TP53RK: variants seen among roughly 807,000 people sequenced by gnomAD.
The protein encoded by TP53RK is EKC/KEOPS complex subunit TP53RK.
TP53RK carries 17 observed loss-of-function variants against 14.9 expected under a neutral mutation model. The ratio of observed to expected loss-of-function variants is 1.14; its 90% CI spans 0.78 to 1.71. The LOEUF (loss-of-function observed/expected upper bound fraction) is 1.71, where lower values mean the gene tolerates loss of function less well. TP53RK is among the 40% of genes most tolerant of loss of function. TP53RK has a pLI of 0.00. For synonymous variants in TP53RK, 131 were observed against 138.0 expected (o/e 0.95, Z 0.36); for missense variants, 343 against 332.0 (o/e 1.03, Z -0.26).
chr20:46,689,058 C>T, intron 1 of TP53RK, 74 bp downstream of exon 1: 6 of 1,314,388 alleles, frequency 4.6e-6, no homozygotes, highest in Non-Finnish European at 5.8e-6. Flanking sequence ...AGCTTCGGAG[C>T]GCAGGGGAGT....
rs2063172675 is a variant in TP53RK, at chr20:46,684,671, C to G, written c.*2082G>C. On this transcript the variant is annotated 3_prime_UTR_variant, in exon 2 of 2. Transcript: ENST00000372114. ...GATTTGGATGGGGACACAGCCAAAC[C>G]CTATCAACTAGGGATTTGTTGACTT... 6.6e-6 allele frequency: 1 copy of G among 152,104 alleles called. No individual in the cohort carries two copies. 9.4% of individuals were successfully genotyped at this position (152,104 alleles called of 1,614,324 possible). A position where few individuals can be genotyped will look rare whatever the true frequency, so the allele number is the denominator to read the frequency against.
chr20:46,687,442 T>C (rs2063185619), intron 1 of TP53RK, among the ~76,000 whole-genome samples: 1 of 152,168 alleles, frequency 6.6e-6, no homozygotes, highest in Non-Finnish European at 1.5e-5. Context: ...ACAGCTAAAC[T>C]GAGGAGGCCA....
rs557747103 is a variant in TP53RK at position 46,686,619 on chromosome 20, GATA to G, written c.*131_*133del. 212 of 772,828 alleles carry G rather than the reference GATA, an allele frequency of 2.7e-4. No individual in the cohort carries two copies. The African/African-American group carries it at 3.3e-3, about 12-fold the overall frequency. 47.9% of individuals were successfully genotyped at this position (772,828 alleles called of 1,614,324 possible). A position where few individuals can be genotyped will look rare whatever the true frequency, so the allele number is the denominator to read the frequency against. On this transcript the variant is annotated 3_prime_UTR_variant, in exon 2 of 2. Transcript: ENST00000372114. ...GTAAGCTCTTGAGTGAAGTGCAGAT[GATA>G]ATGACACGATCACATACCACTTAAA...
chr20:46,686,047 T>A lies in TP53RK; in HGVS notation c.*706A>T, dbSNP rs1020424132. 1 of 152,224 alleles carries A rather than the reference T, an allele frequency of 6.6e-6. No individual in the cohort carries two copies. The highest frequency in any genetic ancestry group is 1.5e-5 in the Non-Finnish European group (1 of 68,040). 9.4% of individuals were successfully genotyped at this position (152,224 alleles called of 1,614,324 possible). A position where few individuals can be genotyped will look rare whatever the true frequency, so the allele number is the denominator to read the frequency against. ...TTAAAAGGAACTTTAGATCAATCAC[T>A]TGTCTTAGAAGGTAACCACAAAAAT... On this transcript the variant is annotated 3_prime_UTR_variant, in exon 2 of 2. Coordinates refer to ENST00000372114, the MANE Select transcript of TP53RK (RefSeq NM_033550.4).
rs1209252247 is a variant in TP53RK, at chr20:46,686,301, T to G, written c.*452A>C. 6.2e-6 allele frequency: 1 copy of G among 162,294 alleles called. No individual in the cohort carries two copies. Among genetic ancestry groups the G allele is most frequent in the Non-Finnish European group, 1.4e-5 (1 of 73,698 alleles). 10.1% of individuals were successfully genotyped at this position (162,294 alleles called of 1,614,324 possible). On this transcript the variant is annotated 3_prime_UTR_variant, in exon 2 of 2. Coordinates refer to ENST00000372114, the MANE Select transcript of TP53RK (RefSeq NM_033550.4). ...TGATATTTTCCATGCTGTATTCTATTTCATTTTTTAAAATGCTGGTTGTAT... is the reference window on the plus strand; with the variant it reads ...TGATATTTTCCATGCTGTATTCTATGTCATTTTTTAAAATGCTGGTTGTAT...
rs755798850 is a variant in TP53RK at position 46,687,160 on chromosome 20, A to G, written c.355T>C (p.Ser119Pro). 5 of 1,613,934 alleles carry G rather than the reference A, an allele frequency of 3.1e-6. No homozygotes were observed. The highest frequency in any genetic ancestry group is 4.2e-6 in the Non-Finnish European group (5 of 1,179,876). ...NCLYMEEIEG[S>P]VTVRDYIQST... ...TGAATATAATCTCGAACAGTCACTG[A>G]GCCTTCAATTTCTTCCATATATAAG... Residue 119 changes from serine to proline, a missense_variant, in exon 2 of 2, where the codon TCA (serine) becomes CCA (proline). Physicochemically the swap from Ser to Pro is moderately conservative, Grantham distance 74. Transcript: ENST00000372114.
chr20:46,685,919 A>C lies in TP53RK; in HGVS notation c.*834T>G, dbSNP rs2063178503. ...ACTCAGTTTACCTGTGCCTTAAACC[A>C]GACTTCATCAAACTTCAGTCTTCAC... On this transcript the variant is annotated 3_prime_UTR_variant, in exon 2 of 2. Transcript: ENST00000372114. The C allele has an allele frequency of 6.6e-6, 1 of 152,234 alleles. No homozygotes were observed. The highest frequency in any genetic ancestry group is 1.5e-5 in the Non-Finnish European group (1 of 68,046). 9.4% of individuals were successfully genotyped at this position (152,234 alleles called of 1,614,324 possible).
chr20:46,687,869 G>A (rs1172709243), intron 1 of TP53RK, among the ~76,000 whole-genome samples: 1 of 152,188 alleles, frequency 6.6e-6, no homozygotes, highest in Non-Finnish European at 1.5e-5. Context: ...ACAAACAGGA[G>A]GCCAAGCAGT....
chr20:46,689,087 CCA>C, intron 1 of TP53RK, 43 bp downstream of exon 1: 1 of 1,355,642 alleles, frequency 7.4e-7, no homozygotes, highest in African/African-American at 1.5e-5. Context: ...CGCCCAGGCC[CCA>C]GAGCCTCGGG....
At position 46,686,687 on chromosome 20, in the gene TP53RK, G is replaced by C; in HGVS notation, c.*66C>G. 3 of 1,303,936 alleles carry C rather than the reference G, an allele frequency of 2.3e-6. No individual in the cohort carries two copies. Among genetic ancestry groups the C allele is most frequent in the Non-Finnish European group, 3.3e-6 (3 of 920,482 alleles). 80.8% of individuals were successfully genotyped at this position (1,303,936 alleles called of 1,614,324 possible). On this transcript the variant is annotated 3_prime_UTR_variant, in exon 2 of 2. Transcript: ENST00000372114. ...TTTACTTAGATCTCATCTCATACTT[G>C]TAGCATTTCTTCAAATTTACTTTGA...
chr20:46,689,194 G>C lies in TP53RK; in HGVS notation c.221C>G (p.Ala74Gly). 6.6e-6 allele frequency: 10 copies of C among 1,521,540 alleles called. No individual in the cohort carries two copies. Among genetic ancestry groups the C allele is most frequent in the South Asian group, 1.2e-5 (1 of 82,118 alleles). The allele number at this position is 1,521,540 out of a possible 1,614,324, so 94.3% of individuals were successfully genotyped here. ...PKGYRHPALE[A>G]RLGRRRTVQE... ...CACCGTCCGCCGTCTGCCAAGCCGC[G>C]CCTCCAGCGCCGGGTGCCGGTAGCC... The change falls in exon 1 of 2, where the codon GCG becomes GGG. Residue 74 changes from alanine (A) to glycine (G), a missense_variant. Transcript: ENST00000372114.
At position 46,689,409 on chromosome 20, in the gene TP53RK, C is replaced by T. The variant is rs754280353; in HGVS notation, c.6G>A (p.Ala2=). M[A]AARATTPADG... ...CGGCCGGCGTAGTAGCTCTGGCCGCCGCCATGACTGCTCGGCGCAACAGCT... is the reference window on the plus strand; with the variant it reads ...CGGCCGGCGTAGTAGCTCTGGCCGCTGCCATGACTGCTCGGCGCAACAGCT... The change falls in exon 1 of 2, where the codon GCG becomes GCA. Residue 2 remains alanine (A), a synonymous_variant. Transcript: ENST00000372114. 1 of 1,554,796 alleles carries T rather than the reference C, an allele frequency of 6.4e-7. No individual in the cohort carries two copies. The highest frequency in any genetic ancestry group is 8.6e-7 in the Non-Finnish European group (1 of 1,162,000).
Position 46,689,405 on chromosome 20 carries a change from C to T in TP53RK, c.10G>A (p.Ala4Thr), listed in dbSNP as rs1450656312. The part of the protein sequence containing the change: MAA[A>T]RATTPADGEE... ...CCATCGGCCGGCGTAGTAGCTCTGGCCGCCGCCATGACTGCTCGGCGCAAC... is the reference window on the plus strand; with the variant it reads ...CCATCGGCCGGCGTAGTAGCTCTGGTCGCCGCCATGACTGCTCGGCGCAAC... Residue 4 changes from alanine to threonine, a missense_variant, in exon 1 of 2, where the codon GCC (alanine) becomes ACC (threonine). Physicochemically the swap from Ala to Thr is moderately conservative, Grantham distance 58 (BLOSUM62 0). Transcript: ENST00000372114. 1 of 1,556,026 alleles carries T rather than the reference C, an allele frequency of 6.4e-7. No individual in the cohort carries two copies. Among genetic ancestry groups the T allele is most frequent in the African/African-American group, 1.4e-5 (1 of 72,622 alleles).
In TP53RK at chr20:46,686,441, G is replaced by T; in HGVS notation, c.*312C>A. 1 of 265,046 alleles carries T rather than the reference G, an allele frequency of 3.8e-6. No homozygotes were observed. The highest frequency in any genetic ancestry group is 4.9e-5 in the Admixed American group (1 of 20,584). The allele number at this position is 265,046 out of a possible 1,614,324, so 16.4% of individuals were successfully genotyped here. The stretch of plus-strand genomic sequence containing the variant: ...TATCAGCAACTGAGACTTCATCCTT[G>T]TCTCACAAGGACTAAAAAGAGAATA... On this transcript the variant is annotated 3_prime_UTR_variant, in exon 2 of 2. Transcript: ENST00000372114.
In TP53RK at chr20:46,687,332, T is replaced by C. The variant is rs567559537; in HGVS notation, c.284-101A>G. 3.6e-5 allele frequency: 36 copies of C among 1,011,838 alleles called. No individual in the cohort carries two copies. In the East Asian group the frequency reaches 7.6e-4, roughly 21 times the overall value. 62.7% of individuals were successfully genotyped at this position (1,011,838 alleles called of 1,614,324 possible). A position where few individuals can be genotyped will look rare whatever the true frequency, so the allele number is the denominator to read the frequency against. Reference sequence around the variant, plus strand: ...GTTTTTCCATCTATATCTACTTATTTCAGGACTATTGAGGAATGCTACAGG... The same window carrying C: ...GTTTTTCCATCTATATCTACTTATTCCAGGACTATTGAGGAATGCTACAGG... On this transcript the variant is annotated intron_variant, in intron 1 of 1. Coordinates refer to ENST00000372114, the MANE Select transcript of TP53RK (RefSeq NM_033550.4).
chr20:46,688,177 G>A (rs1176306703), intron 1 of TP53RK, among the ~76,000 whole-genome samples: 1 of 152,174 alleles, frequency 6.6e-6, no homozygotes, highest in Non-Finnish European at 1.5e-5. Context: ...GCTGAAAACA[G>A]AAATATGAAT....
intron 1 of TP53RK, 85 bp from the exon 2 acceptor site, chr20:46,687,316 T>C (rs1037764097): frequency 5.2e-6 from 6 of 1,145,932 alleles, no homozygotes; most frequent in Admixed American, 4.5e-5. Context: ...AGTTTTTCCA[T>C]CTATATCTAC....
Position 46,689,406 on chromosome 20 carries a change from C to T in TP53RK, c.9G>A (p.Ala3=), listed in dbSNP as rs1285109611. MA[A]ARATTPADGE... is the part of the protein sequence containing the mutation. Reference sequence around the variant, plus strand: ...CATCGGCCGGCGTAGTAGCTCTGGCCGCCGCCATGACTGCTCGGCGCAACA... The same window carrying T: ...CATCGGCCGGCGTAGTAGCTCTGGCTGCCGCCATGACTGCTCGGCGCAACA... The change falls in exon 1 of 2, where the codon GCG becomes GCA. Residue 3 remains alanine (A), a synonymous_variant. Transcript: ENST00000372114. 3 of 1,556,540 alleles carry T rather than the reference C, an allele frequency of 1.9e-6. No homozygotes were observed. The highest frequency in any genetic ancestry group is 1.2e-5 in the South Asian group (1 of 84,590).
rs2063175065 is a variant in TP53RK, at chr20:46,685,081, C to T, written c.*1672G>A. On this transcript the variant is annotated 3_prime_UTR_variant, in exon 2 of 2. Transcript: ENST00000372114. ...TAAAAATTCCCAGCCCAATGCCTGG[C>T]ATGCAGTAAGCAGGCAATTATATTA... 1 of 152,238 alleles carries T rather than the reference C, an allele frequency of 6.6e-6. No homozygotes were observed. The highest frequency in any genetic ancestry group is 2.4e-5 in the African/African-American group (1 of 41,468). 9.4% of individuals were successfully genotyped at this position (152,238 alleles called of 1,614,324 possible). A position where few individuals can be genotyped will look rare whatever the true frequency, so the allele number is the denominator to read the frequency against.
Sources: gnomAD v4.1 joint callset for allele counts (sites outside exome capture counted in the v4.1 genomes callset) on GRCh38, gnomAD v4.1.1 for gene constraint, MANE v1.5 for transcripts, NCBI Gene and HGNC (gene_info 2026-07-23, HGNC 2026-07-21) for gene names.